The following EPB41L3 variants were observed in gnomAD, a reference collection of about 807,000 sequenced individuals.
EPB41L3 encodes the protein erythrocyte membrane protein band 4.1 like 3.
A neutral mutation model predicts 127.1 loss-of-function variants in EPB41L3; 57 were observed. The ratio of observed to expected loss-of-function variants is 0.45; its 90% CI spans 0.36 to 0.56. The LOEUF (loss-of-function observed/expected upper bound fraction) is 0.56, where lower values mean the gene tolerates loss of function less well. EPB41L3 is among the 20% of genes least tolerant of loss of function. EPB41L3 has a pLI of 0.00. For missense variants in EPB41L3, 1,273 were observed against 1,372.2 expected (o/e 0.93, Z 1.14); for synonymous variants, 572 against 549.5 (o/e 1.04, Z -0.57).
Position 5,407,723 on chromosome 18 carries a change from T to C in EPB41L3, c.2135A>G (p.Glu712Gly). Residue 712 changes from glutamate to glycine, a missense_variant, in exon 15 of 23, where the codon GAA (glutamate) becomes GGA (glycine). Coordinates refer to ENST00000341928, the MANE Select transcript of EPB41L3 (RefSeq NM_012307.5). ...TACCTGTGCCTTGAGCTCTGCATCT[T>C]CCTCCTGGTCCGACTGCCAGCATCA... ...ETTATESDQE[E>G]DAELKAQELE... 6.2e-7 allele frequency: 1 copy of C among 1,614,102 alleles called. No individual in the cohort carries two copies. The highest frequency in any genetic ancestry group is 8.5e-7 in the Non-Finnish European group (1 of 1,179,984).
intron 8 of EPB41L3, among the ~76,000 whole-genome samples, chr18:5,429,828 A>G (rs2078732538): frequency 1.3e-5 from 2 of 152,154 alleles, no homozygotes; most frequent in Non-Finnish European, 2.9e-5. Context: ...TGAAAGAGTG[A>G]TTTAAAGAGC....
At chr18:5,583,075 G>C (rs925161105) in intron 3 of EPB41L3, among the ~76,000 whole-genome samples, 1 of 152,190 alleles carries the variant, frequency 6.6e-6, no homozygotes, top group East Asian at 1.9e-4. Flanking sequence ...GAATTTCTGA[G>C]ACGCAGCTGA....
intron 3 of EPB41L3, among the ~76,000 whole-genome samples, chr18:5,463,216 G>A (rs1162907364): frequency 6.6e-6 from 1 of 152,114 alleles, no homozygotes; most frequent in African/African-American, 2.4e-5. Flanking sequence ...GCCTCCAATT[G>A]CTATTTAGCC....
rs76962222 is a variant in EPB41L3, at chr18:5,528,071, A to G, written c.-12+15842T>C. On this transcript the variant is annotated intron_variant, in intron 1 of 22. Coordinates refer to ENST00000341928, the MANE Select transcript of EPB41L3 (RefSeq NM_012307.5). ...GATGTGGGAAGGAAGAAAGACACGT[A>G]TGGTTATGAGAAACACAAATCCAGA... Among the ~76,000 whole-genome samples the G allele has an allele frequency of 7.2e-3, 1,091 of 152,344 alleles. 15 individuals are homozygous for G. Among genetic ancestry groups the G allele is most frequent in the African/African-American group, 0.024 (1,009 of 41,576 alleles).
At chr18:5,511,188 C>A (rs1033135571) in intron 1 of EPB41L3, among the ~76,000 whole-genome samples, 1 of 151,948 alleles carries the variant, frequency 6.6e-6, no homozygotes, top group African/African-American at 2.4e-5. Context: ...CTTCTTCCTG[C>A]CTGCAGTGAA....
At position 5,392,739 on chromosome 18, in the gene EPB41L3, T is replaced by C. The variant is rs900083176; in HGVS notation, c.*746A>G. On this transcript the variant is annotated 3_prime_UTR_variant, in exon 23 of 23. Transcript: ENST00000341928. ...TATTGTAAACTAACAAAAATACAGG[T>C]TTTCTTCCCAAAATAATGACAATTT... The C allele has an allele frequency of 2.0e-5, 3 of 152,404 alleles. No individual in the cohort carries two copies. Among genetic ancestry groups the C allele is most frequent in the African/African-American group, 7.2e-5 (3 of 41,432 alleles). 9.4% of individuals were successfully genotyped at this position (152,404 alleles called of 1,614,324 possible).
chr18:5,436,835 T>C (rs112724998), intron 6 of EPB41L3, among the ~76,000 whole-genome samples: 1 of 152,244 alleles, frequency 6.6e-6, no homozygotes, highest in Non-Finnish European at 1.5e-5. Flanking sequence ...TTTTCTCTGA[T>C]TTATTGCAAT....
intron 3 of EPB41L3, among the ~76,000 whole-genome samples, chr18:5,611,305 C>T (rs747975873): frequency 3.9e-5 from 6 of 152,186 alleles, no homozygotes; most frequent in Non-Finnish European, 7.3e-5. Context: ...TGGAGTATTA[C>T]TCAGCCTTCA....
chr18:5,480,410 T>C (rs1301771809), intron 2 of EPB41L3, among the ~76,000 whole-genome samples: 1 of 152,192 alleles, frequency 6.6e-6, no homozygotes, highest in Non-Finnish European at 1.5e-5. Flanking sequence ...TCCTCACAGC[T>C]CTATGGTATG....
intron 3 of EPB41L3, among the ~76,000 whole-genome samples, chr18:5,447,102 G>A (rs191289711): frequency 3.9e-4 from 59 of 152,292 alleles, no homozygotes; most frequent in Non-Finnish European, 7.9e-4. Flanking sequence ...AGTAGCTTTA[G>A]AATCAAGTAA....
At chr18:5,604,589 G>A (rs1461469480) in intron 3 of EPB41L3, among the ~76,000 whole-genome samples, 1 of 152,056 alleles carries the variant, frequency 6.6e-6, no homozygotes, top group African/African-American at 2.4e-5. Context: ...GAGTAGCTGG[G>A]ATTACAGATG....
intron 3 of EPB41L3, among the ~76,000 whole-genome samples, chr18:5,572,740 A>G (rs2094296350): frequency 6.6e-6 from 1 of 151,948 alleles, no homozygotes; most frequent in Admixed American, 6.6e-5. Context: ...CACTCAGGTA[A>G]TTTTTTAAAA....
In EPB41L3 at chr18:5,412,787, T is replaced by A. The variant is rs73375724; in HGVS notation, c.2068-2168A>T. ...TATTTTAATCTCAGTTTCCTTCCCA[T>A]AAAATGGGGAAAATAACAGCCCTAA... is the stretch of plus-strand genomic sequence containing the variant. On this transcript the variant is annotated intron_variant, in intron 13 of 22. Transcript: ENST00000341928. Among the ~76,000 whole-genome samples the A allele has an allele frequency of 3.7e-3, 542 of 146,508 alleles. 5 individuals are homozygous for A. The highest frequency in any genetic ancestry group is 0.013 in the African/African-American group (522 of 39,550).
chr18:5,453,541 A>G (rs2082582517), intron 3 of EPB41L3, among the ~76,000 whole-genome samples: 1 of 152,200 alleles, frequency 6.6e-6, no homozygotes, highest in African/African-American at 2.4e-5. Context: ...TCATGTTAAT[A>G]CATGAAAATA....
intron 20 of EPB41L3, 101 bp downstream of exon 20, chr18:5,395,508 C>CA: frequency 9.0e-7 from 1 of 1,107,454 alleles, no homozygotes; most frequent in Non-Finnish European, 1.3e-6. Flanking sequence ...AGCTTCAAGC[C>CA]ACCTTGTGCT....
At chr18:5,431,029 T>C (rs1401174999) in intron 8 of EPB41L3, among the ~76,000 whole-genome samples, 2 of 152,220 alleles carry the variant, frequency 1.3e-5, no homozygotes, top group African/African-American at 4.8e-5. Flanking sequence ...TCAACATCAG[T>C]GTTTGAACTT....
intron 1 of EPB41L3, among the ~76,000 whole-genome samples, chr18:5,624,303 G>A (rs1237460018): frequency 6.6e-6 from 1 of 152,192 alleles, no homozygotes; most frequent in Non-Finnish European, 1.5e-5. Flanking sequence ...CCTCGCTCAT[G>A]TATTTAGGAA....
chr18:5,426,626 T>C (rs186269234), intron 9 of EPB41L3, among the ~76,000 whole-genome samples: 187 of 152,358 alleles, frequency 1.2e-3, no homozygotes, highest in African/African-American at 3.3e-3. Flanking sequence ...TTCATTTCTC[T>C]AGCTCTCCCC....
intron 3 of EPB41L3, among the ~76,000 whole-genome samples, chr18:5,609,444 C>G (rs1415362854): frequency 6.6e-6 from 1 of 152,168 alleles, no homozygotes; most frequent in Non-Finnish European, 1.5e-5. Flanking sequence ...AATCTACCAG[C>G]AGACCACAAC....
Sources: gnomAD v4.1 joint callset for allele counts (sites outside exome capture counted in the v4.1 genomes callset) on GRCh38, gnomAD v4.1.1 for gene constraint, MANE v1.5 for transcripts, NCBI Gene and HGNC (gene_info 2026-07-23, HGNC 2026-07-21) for gene names.